GABRG2: variants seen among roughly 807,000 people sequenced by gnomAD.
GABRG2 encodes gamma-aminobutyric acid receptor subunit gamma-2.
A neutral mutation model predicts 56.4 loss-of-function variants in GABRG2; 16 were observed. That is an observed-to-expected ratio of 0.28 (90% CI 0.19 to 0.43). GABRG2 has a LOEUF of 0.43. Ranked by LOEUF, GABRG2 falls within the 20% of genes least tolerant of loss-of-function variation. The probability of loss-of-function intolerance (pLI) is 1.00; values close to 1 mark genes in which losing one functional copy is unlikely to be tolerated. For synonymous variants in GABRG2, 208 were observed against 205.5 expected (o/e 1.01, Z -0.10); for missense variants, 327 against 582.7 (o/e 0.56, Z 4.52).
rs1761627845 is a variant in GABRG2, at chr5:162,104,041, C to T, written c.769+15C>T. 1 of 1,613,440 alleles carries T rather than the reference C, an allele frequency of 6.2e-7. No individual in the cohort carries two copies. The highest frequency in any genetic ancestry group is 1.7e-5 in the Admixed American group (1 of 59,994). ...GACAACTTCCGGTAAGATGCACTGGCAAAGAATTTCAAGTGACCCTTCCAG... is the reference window on the plus strand; with the variant it reads ...GACAACTTCCGGTAAGATGCACTGGTAAAGAATTTCAAGTGACCCTTCCAG... On this transcript the variant is annotated intron_variant, in intron 6 of 9. Coordinates refer to ENST00000639213, the MANE Select transcript of GABRG2 (RefSeq NM_198904.4).
At chr5:162,152,937 T>C in intron 9 of GABRG2, 156 bp from the exon 10 acceptor site, 1 of 886,678 alleles carries the variant, frequency 1.1e-6, no homozygotes, top group Non-Finnish European at 1.8e-6. Flanking sequence ...GCTATCTTTC[T>C]AAGTTCAATT....
chr5:162,091,120 A>G lies in GABRG2; in HGVS notation c.108-2708A>G, dbSNP rs528387179. 8.5e-5 allele frequency among the ~76,000 whole-genome samples: 13 copies of G among 152,164 alleles called. No homozygotes were observed. The South Asian group carries it at 1.7e-3, about 19-fold the overall frequency. ...AGAAGAAAAAGTTCATTTATTTATA[A>G]TGTAGATGGCCATTATTTTTCTTCC... is the stretch of plus-strand genomic sequence containing the variant. On this transcript the variant is annotated intron_variant, in intron 1 of 9. Transcript: ENST00000639213.
intron 7 of GABRG2, among the ~76,000 whole-genome samples, chr5:162,147,108 GC>G (rs1765006129): frequency 6.6e-6 from 1 of 152,060 alleles, no homozygotes; most frequent in African/African-American, 2.4e-5. Flanking sequence ...GAGAATAAGA[GC>G]TTTACATCTT....
intron 1 of GABRG2, among the ~76,000 whole-genome samples, chr5:162,073,013 C>G (rs1337018809): frequency 2.0e-5 from 3 of 151,746 alleles, no homozygotes; most frequent in African/African-American, 7.3e-5. Context: ...AGAAGTGTAA[C>G]AGGTAGACTG....
intron 1 of GABRG2, among the ~76,000 whole-genome samples, chr5:162,074,153 A>G (rs886173670): frequency 6.6e-6 from 1 of 152,050 alleles, no homozygotes; most frequent in African/African-American, 2.4e-5. Context: ...TTCAAGTTAC[A>G]CATTAGTGGT....
chr5:162,155,520 T>C lies in GABRG2; in HGVS notation c.*2152T>C, dbSNP rs1243386113. On this transcript the variant is annotated 3_prime_UTR_variant, in exon 10 of 10. Coordinates refer to ENST00000639213, the MANE Select transcript of GABRG2 (RefSeq NM_198904.4). Reference sequence around the variant, plus strand: ...CTTTTACAATAAAAATGCTGCATTCTAATCCATGGTGGCATCTCAGTAGTC... The same window carrying C: ...CTTTTACAATAAAAATGCTGCATTCCAATCCATGGTGGCATCTCAGTAGTC... 1 of 152,564 alleles carries C rather than the reference T, an allele frequency of 6.6e-6. No homozygotes were observed. The highest frequency in any genetic ancestry group is 2.4e-5 in the African/African-American group (1 of 41,442). 9.5% of individuals were successfully genotyped at this position (152,564 alleles called of 1,614,324 possible). A position where few individuals can be genotyped will look rare whatever the true frequency, so the allele number is the denominator to read the frequency against.
intron 6 of GABRG2, among the ~76,000 whole-genome samples, chr5:162,136,808 T>C (rs1372817740): frequency 6.6e-6 from 1 of 152,206 alleles, no homozygotes; most frequent in Non-Finnish European, 1.5e-5. Flanking sequence ...AAAATGTGCC[T>C]GTCAGAAAGT....
chr5:162,110,792 C>G, intron 6 of GABRG2, among the ~76,000 whole-genome samples: 1 of 152,118 alleles, frequency 6.6e-6, no homozygotes, highest in East Asian at 1.9e-4. Flanking sequence ...ATTTTTCAAA[C>G]TACTTGAAGC....
intron 1 of GABRG2, among the ~76,000 whole-genome samples, chr5:162,071,643 G>A (rs1184927606): frequency 2.0e-5 from 3 of 151,804 alleles, no homozygotes; most frequent in Admixed American, 6.6e-5. Flanking sequence ...TAACTGGCTA[G>A]GACTATGCAT....
chr5:162,134,941 A>G (rs1359686806), intron 6 of GABRG2, among the ~76,000 whole-genome samples: 1 of 152,140 alleles, frequency 6.6e-6, no homozygotes, highest in African/African-American at 2.4e-5. Flanking sequence ...TAAAGGATAA[A>G]TTTAAACCAG....
chr5:162,108,418 C>T (rs1761991198), intron 6 of GABRG2, among the ~76,000 whole-genome samples: 1 of 152,190 alleles, frequency 6.6e-6, no homozygotes. Context: ...GTTTAACTAA[C>T]CAGTCTTACA....
At chr5:162,123,700 T>G (rs922246485) in intron 6 of GABRG2, among the ~76,000 whole-genome samples, 4 of 151,808 alleles carry the variant, frequency 2.6e-5, no homozygotes, top group Admixed American at 2.6e-4. Context: ...CTATTAATCA[T>G]TGTAGTAGCT....
At chr5:162,086,533 C>A (rs1200663031) in intron 1 of GABRG2, among the ~76,000 whole-genome samples, 1 of 151,968 alleles carries the variant, frequency 6.6e-6, no homozygotes, top group Non-Finnish European at 1.5e-5. Context: ...CATGTAATTG[C>A]AAAATGTGTC....
At chr5:162,079,235 G>A (rs981228707) in intron 1 of GABRG2, among the ~76,000 whole-genome samples, 1 of 152,048 alleles carries the variant, frequency 6.6e-6, no homozygotes, top group Non-Finnish European at 1.5e-5. Flanking sequence ...TTTCTCTGAT[G>A]ACCAAGCATC....
At chr5:162,089,321 A>G (rs1347536179) in intron 1 of GABRG2, among the ~76,000 whole-genome samples, 1 of 152,074 alleles carries the variant, frequency 6.6e-6, no homozygotes, top group Non-Finnish European at 1.5e-5. Flanking sequence ...TTCCCAGTGG[A>G]CCCTACAGCC....
intron 6 of GABRG2, among the ~76,000 whole-genome samples, chr5:162,138,262 T>C (rs772087833): frequency 6.6e-5 from 10 of 152,200 alleles, no homozygotes; most frequent in African/African-American, 9.6e-5. Flanking sequence ...TTATTTTGTG[T>C]ATTAGAGTGA....
rs993246448 is a variant in GABRG2 at position 162,153,658 on chromosome 5, G to A, written c.*290G>A. The A allele has an allele frequency of 8.0e-6, 4 of 502,136 alleles. No individual in the cohort carries two copies. Among genetic ancestry groups the A allele is most frequent in the Non-Finnish European group, 1.4e-5 (4 of 276,504 alleles). The allele number at this position is 502,136 out of a possible 1,614,324, so 31.1% of individuals were successfully genotyped here. A position where few individuals can be genotyped will look rare whatever the true frequency, so the allele number is the denominator to read the frequency against. On this transcript the variant is annotated 3_prime_UTR_variant, in exon 10 of 10. Transcript: ENST00000639213. Reference sequence around the variant, plus strand: ...TTTTTCAGCTACAGCAAATAAAACAGTGAAAGCCCTGACTATTTACAGTAG... The same window carrying A: ...TTTTTCAGCTACAGCAAATAAAACAATGAAAGCCCTGACTATTTACAGTAG...
intron 1 of GABRG2, among the ~76,000 whole-genome samples, chr5:162,075,876 T>C (rs773985467): frequency 1.8e-4 from 27 of 152,186 alleles, no homozygotes; most frequent in Non-Finnish European, 3.7e-4. Flanking sequence ...TCAACCAGTT[T>C]CACTCTGTCT....
chr5:162,124,883 G>A (rs1479723421), intron 6 of GABRG2, among the ~76,000 whole-genome samples: 1 of 151,536 alleles, frequency 6.6e-6, no homozygotes, highest in Non-Finnish European at 1.5e-5. Flanking sequence ...CACCAAGAAA[G>A]GGCATTACCT....
Sources: gnomAD v4.1 joint callset for allele counts (sites outside exome capture counted in the v4.1 genomes callset) on GRCh38, gnomAD v4.1.1 for gene constraint, MANE v1.5 for transcripts, NCBI Gene and HGNC (gene_info 2026-07-23, HGNC 2026-07-21) for gene names.